KCNA6: variants seen among roughly 807,000 people sequenced by gnomAD.
KCNA6 encodes the protein human brain potassium channel-2.
KCNA6 carries 17 observed loss-of-function variants against 29.5 expected under a neutral mutation model. The observed-to-expected ratio is 0.58, with a 90% confidence interval of 0.39 to 0.86. The LOEUF is 0.86. KCNA6 is among the 40% of genes least tolerant of loss of function. KCNA6 has a pLI of 0.00. For synonymous variants in KCNA6, 296 were observed against 304.7 expected (o/e 0.97, Z 0.30); for missense variants, 450 against 703.4 (o/e 0.64, Z 4.07).
Position 4,810,762 on chromosome 12 carries a change from G to C in KCNA6, c.721G>C (p.Gly241Arg), listed in dbSNP as rs1407867895. The C allele has an allele frequency of 6.2e-7, 1 of 1,600,894 alleles. No individual in the cohort carries two copies. Among genetic ancestry groups the C allele is most frequent in the Non-Finnish European group, 8.5e-7 (1 of 1,173,802 alleles). Residue 241 changes from glycine to arginine, a missense_variant, in exon 1 of 1, where the codon GGG becomes CGG. Gly to Arg is a moderately radical substitution (Grantham distance 125). Around this residue, in one of 7 missense-constraint regions of KCNA6, gnomAD observed 74 missense variants for 71.5 expected, o/e 1.03. Coordinates refer to ENST00000280684, the Ensembl canonical transcript of KCNA6. This position sits in a 1 kb window ranked among gnomAD's most constrained non-coding sequence, Gnocchi z 7.5. ...CACATTTCATCATGGCATCACCCCT[G>C]GGGAAATGGGGACCGGGGGCTCCTC...
the KCNA6 span, among the ~76,000 whole-genome samples, chr12:4,835,152 T>TTTTTA: frequency 7.6e-6 from 1 of 131,624 alleles, no homozygotes; most frequent in Admixed American, 7.8e-5. Context: ...TTTTTTTTTT[T>TTTTTA]GAGACAGAGT....
chr12:4,844,504 C>CA, the KCNA6 span, among the ~76,000 whole-genome samples: 1 of 152,202 alleles, frequency 6.6e-6, no homozygotes, highest in East Asian at 1.9e-4. The surrounding 1 kb of genome is among the most constrained non-coding windows in gnomAD (Gnocchi z 4.0). Context: ...AGGGGAAGGA[C>CA]ATGCTAAGCA....
chr12:4,837,849 AAG>A, the KCNA6 span, among the ~76,000 whole-genome samples: 3,695 of 151,744 alleles, frequency 0.024, 64 homozygotes, highest in Non-Finnish European at 0.036. Context: ...ACCCAAGCAG[AAG>A]AGGCTACAGT....
At chr12:4,833,751 C>T in the KCNA6 span, among the ~76,000 whole-genome samples, 2 of 152,138 alleles carry the variant, frequency 1.3e-5, no homozygotes, top group Non-Finnish European at 2.9e-5. Context: ...ATGAGGAAAA[C>T]TTCCCCAGCT....
chr12:4,829,449 G>T, the KCNA6 span, among the ~76,000 whole-genome samples: 5 of 152,144 alleles, frequency 3.3e-5, no homozygotes, highest in African/African-American at 1.2e-4. Flanking sequence ...GCTAAATATA[G>T]AGGTTGCCAG....
chr12:4,822,465 C>G, the KCNA6 span, among the ~76,000 whole-genome samples: 1 of 152,214 alleles, frequency 6.6e-6, no homozygotes, highest in East Asian at 1.9e-4. Flanking sequence ...CTGGGAGGAG[C>G]CGGTTCCAGC....
Position 4,810,902 on chromosome 12 carries a change from C to T in KCNA6, c.861C>T (p.Ser287=), listed in dbSNP as rs973926064. The T allele has an allele frequency of 1.9e-6, 3 of 1,614,136 alleles. No individual in the cohort carries two copies. The highest frequency in any genetic ancestry group is 2.5e-6 in the Non-Finnish European group (3 of 1,179,982). The change falls in exon 1 of 1, where the codon AGC becomes AGT. Residue 287 remains serine, a synonymous_variant. Transcript: ENST00000280684. The surrounding 1 kb of genome is among the most constrained non-coding windows in gnomAD (Gnocchi z 7.5). Reference sequence around the variant, plus strand: ...TGGTGCGCTTCTCCGCCTGCCCTAGCAAGCCGGCCTTCTTCCGGAACATCA... The same window carrying T: ...TGGTGCGCTTCTCCGCCTGCCCTAGTAAGCCGGCCTTCTTCCGGAACATCA...
the KCNA6 span, among the ~76,000 whole-genome samples, chr12:4,835,958 T>G: frequency 3.1e-5 from 4 of 127,812 alleles, no homozygotes; most frequent in Non-Finnish European, 6.7e-5. Flanking sequence ...TTTTTTTTTT[T>G]GACGGAGTTT....
chr12:4,825,519 A>G, the KCNA6 span, among the ~76,000 whole-genome samples: 3 of 152,160 alleles, frequency 2.0e-5, no homozygotes, highest in Non-Finnish European at 2.9e-5. Flanking sequence ...GAAAACTCGA[A>G]GAGATCTGAA....
At chr12:4,820,587 A>T in the KCNA6 span, among the ~76,000 whole-genome samples, 4 of 150,078 alleles carry the variant, frequency 2.7e-5, no homozygotes, top group African/African-American at 1.0e-4. Context: ...ACACACACAC[A>T]CACACTCTTA....
the KCNA6 span, among the ~76,000 whole-genome samples, chr12:4,831,422 G>A: frequency 1.3e-5 from 2 of 152,302 alleles, no homozygotes; most frequent in East Asian, 3.9e-4. Flanking sequence ...CCAGGGTTGA[G>A]CCTGAGAGCC....
chr12:4,836,103 C>CT, the KCNA6 span, among the ~76,000 whole-genome samples: 3 of 123,014 alleles, frequency 2.4e-5, no homozygotes, highest in African/African-American at 6.6e-5. Context: ...TCATGCCTGG[C>CT]TATTTTTTTT....
chr12:4,829,901 G>A, the KCNA6 span, among the ~76,000 whole-genome samples: 1 of 152,192 alleles, frequency 6.6e-6, no homozygotes, highest in Non-Finnish European at 1.5e-5. Context: ...GCCGAGAGAG[G>A]TTGACTGAAT....
Position 4,810,937 on chromosome 12 carries a change from T to C in KCNA6, c.896T>C (p.Ile299Thr), listed in dbSNP as rs1221274206. ...TTCTTCCGGAACATCATGAACATCA[T>C]TGACTTGGTGGCTATCTTCCCCTAC... The change falls in exon 1 of 1, where the codon ATT (isoleucine) becomes ACT (threonine). Residue 299 changes from isoleucine (I) to threonine (T), a missense_variant. By Grantham distance (89) the Ile-to-Thr change is moderately conservative. Around this residue, in one of 7 missense-constraint regions of KCNA6, gnomAD observed 46 missense variants for 80.2 expected, o/e 0.57. Coordinates refer to ENST00000280684, the Ensembl canonical transcript of KCNA6. This position sits in a 1 kb window ranked among gnomAD's most constrained non-coding sequence, Gnocchi z 7.5. The C allele has an allele frequency of 2.5e-6, 4 of 1,614,120 alleles. No homozygotes were observed. The highest frequency in any genetic ancestry group is 2.2e-5 in the South Asian group (2 of 91,088).
chr12:4,833,931 A>ATTTTT, the KCNA6 span, among the ~76,000 whole-genome samples: 2 of 141,884 alleles, frequency 1.4e-5, no homozygotes, highest in African/African-American at 2.6e-5. Flanking sequence ...TTTAAATTAA[A>ATTTTT]TTTTTTTTTT....
At position 4,810,458 on chromosome 12, in the gene KCNA6, C is replaced by A; in HGVS notation, c.417C>A (p.Gly139=). ...TGGCGGCCTTCCGGGAGGACGAGGG[C>A]TGCCTGCCCGAAGGTGGCGAGGACG... Residue 139 remains glycine, a synonymous_variant, in exon 1 of 1, where the codon GGC becomes GGA. Transcript: ENST00000280684. This position sits in a 1 kb window ranked among gnomAD's most constrained non-coding sequence, Gnocchi z 7.5. 1.9e-6 allele frequency: 3 copies of A among 1,614,054 alleles called. No individual in the cohort carries two copies. In the South Asian group the frequency reaches 3.3e-5, roughly 18 times the overall value.
At chr12:4,809,915 C>A in exon 1 of KCNA6, 5 of 1,184,948 alleles carry the variant, frequency 4.2e-6, no homozygotes, top group Non-Finnish European at 5.7e-6. Flanking sequence ...GGTCAGACCG[C>A]GAACCGGGAG....
chr12:4,839,854 G>T, the KCNA6 span, among the ~76,000 whole-genome samples: 1 of 152,166 alleles, frequency 6.6e-6, no homozygotes. Flanking sequence ...ATCAGAGGAG[G>T]CCACCAAGCA....
Position 4,810,984 on chromosome 12 carries a change from C to T in KCNA6, c.943C>T (p.Leu315=), listed in dbSNP as rs368905342. The T allele has an allele frequency of 1.2e-5, 20 of 1,614,158 alleles. No individual in the cohort carries two copies. In the African/African-American group the frequency reaches 2.5e-4, roughly 20 times the overall value. The change falls in exon 1 of 1, where the codon CTG becomes TTG. Residue 315 remains leucine, a synonymous_variant. Transcript: ENST00000280684. This position sits in a 1 kb window ranked among gnomAD's most constrained non-coding sequence, Gnocchi z 7.5. ...CTACTTCATCACCCTGGGCACTGAGCTGGTGCAGCAGCAGGAGCAGCAACC... is the reference window on the plus strand; with the variant it reads ...CTACTTCATCACCCTGGGCACTGAGTTGGTGCAGCAGCAGGAGCAGCAACC...
Sources: allele counts gnomAD v4.1 joint callset (sites outside exome capture counted in the v4.1 genomes callset), GRCh38; gene constraint gnomAD v4.1.1; regional missense constraint gnomAD v4.1.1; non-coding constraint Gnocchi (gnomAD v3.1); transcripts MANE v1.5; gene names NCBI Gene and HGNC (gene_info 2026-07-23, HGNC 2026-07-21).